Variants in KRT72 observed in about 807,000 individuals in gnomAD.
KRT72 encodes the protein keratin 72, also known as keratin, type II cytoskeletal 72.
A neutral mutation model predicts 44.7 loss-of-function variants in KRT72; 44 were observed. The observed-to-expected ratio is 0.98, with a 90% CI of 0.77 to 1.27. The LOEUF (loss-of-function observed/expected upper bound fraction) is 1.27. Among genes scored for constraint, KRT72 ranks in the 50% most tolerant of loss-of-function variants. The probability of loss-of-function intolerance (pLI) is 0.00; values close to 1 mark genes in which losing one functional copy is unlikely to be tolerated. For synonymous variants in KRT72, 302 were observed against 280.4 expected (o/e 1.08, Z -0.77); for missense variants, 736 against 667.1 (o/e 1.10, Z -1.14).
intron 4 of KRT72, among the ~76,000 whole-genome samples, 173 bp from the exon 5 acceptor site, chr12:52,591,801 C>T (rs1484464638): frequency 2.0e-5 from 3 of 152,154 alleles, no homozygotes; most frequent in African/African-American, 7.2e-5. Context: ...GCTTTCAGCC[C>T]CAAACGCTGA....
upstream of KRT72, chr12:52,601,694 C>G (rs763643244): frequency 5.4e-4 from 285 of 531,512 alleles, 1 homozygote; most frequent in Non-Finnish European, 8.6e-4. Context: ...GTAAAGTGAC[C>G]CAGAACCCAG....
intron 2 of KRT72, among the ~76,000 whole-genome samples, chr12:52,595,334 A>G (rs1050116265): frequency 5.3e-5 from 8 of 152,164 alleles, no homozygotes; most frequent in Admixed American, 5.2e-4. Flanking sequence ...CTCTTGTTTT[A>G]TAACATAAAT....
At chr12:52,602,386 C>A (rs576125982), upstream of KRT72, among the ~76,000 whole-genome samples, 1 of 152,194 alleles carries the variant, frequency 6.6e-6, no homozygotes, top group Non-Finnish European at 1.5e-5. Flanking sequence ...AGGAAGAGGT[C>A]AAGACTCTTC....
At chr12:52,587,011 C>A (rs1055456018) in intron 7 of KRT72, 31 bp from the exon 8 acceptor site, 1 of 1,609,482 alleles carries the variant, frequency 6.2e-7, no homozygotes, top group African/African-American at 1.3e-5. Flanking sequence ...CAGGTAAATC[C>A]CCCATAAATA....
chr12:52,590,833 C>A lies in KRT72; in HGVS notation c.1089+3G>T. 1 of 1,570,626 alleles carries A rather than the reference C, an allele frequency of 6.4e-7. No homozygotes were observed. ...GTTAGTGGATTAATTTCATAGAACC[C>A]ACCTGCTTCTTCACATTCCCTATCT... On this transcript the variant is annotated splice_donor_region_variant and intron_variant, in intron 6 of 8. Coordinates refer to ENST00000293745, the MANE Select transcript of KRT72 (RefSeq NM_080747.3).
chr12:52,601,798 A>C (rs1940475880), upstream of KRT72, among the ~76,000 whole-genome samples: 1 of 151,980 alleles, frequency 6.6e-6, no homozygotes, highest in Non-Finnish European at 1.5e-5. Context: ...TCCCAAGATC[A>C]CCCCTGGAAA....
Position 52,601,310 on chromosome 12 carries a change from C to T in KRT72, c.143G>A (p.Ser48Asn), listed in dbSNP as rs867853815. The T allele has an allele frequency of 3.2e-6, 5 of 1,547,694 alleles. No individual in the cohort carries two copies. The African/African-American group carries it at 5.5e-5, about 17-fold the overall frequency. The change falls in exon 1 of 9, where the codon AGC becomes AAC. Residue 48 changes from serine (S) to asparagine (N), a missense_variant. By Grantham distance (46) the Ser-to-Asn change is conservative. Transcript: ENST00000293745. ...VKGSASFGSK[S>N]LSCLGGSRSL... ...TCGGCTGCCCCCAAGGCAGGAGAGG[C>T]TCTTGCTGCCAAAGGAGGCCGAGCC...
intron 1 of KRT72, among the ~76,000 whole-genome samples, chr12:52,599,608 C>G (rs1401934834): frequency 1.3e-5 from 2 of 152,208 alleles, no homozygotes; most frequent in Non-Finnish European, 2.9e-5. Flanking sequence ...TTTTTAGACT[C>G]AATAACTCCA....
chr12:52,600,019 G>T (rs149523364), intron 1 of KRT72, among the ~76,000 whole-genome samples: 1 of 152,142 alleles, frequency 6.6e-6, no homozygotes. Flanking sequence ...CATCCAGGTG[G>T]AGACAAGAGA....
chr12:52,592,061 G>T (rs935509171), intron 4 of KRT72, among the ~76,000 whole-genome samples: 1 of 152,166 alleles, frequency 6.6e-6, no homozygotes, highest in African/African-American at 2.4e-5. Context: ...AGCACCCACT[G>T]AAATCGTCCT....
chr12:52,598,184 C>T lies in KRT72; in HGVS notation c.641+714G>A, dbSNP rs149910836. On this transcript the variant is annotated intron_variant, in intron 2 of 8. Coordinates refer to ENST00000293745, the MANE Select transcript of KRT72 (RefSeq NM_080747.3). ...ACCGTGTCTCCTCCTTCCTTAGGTT[C>T]TCCATGCAGGGCTTGGGCCAGGGTT... Among the ~76,000 whole-genome samples the T allele has an allele frequency of 5.3e-5, 8 of 152,378 alleles. No individual in the cohort carries two copies. The East Asian group carries it at 1.5e-3, about 29-fold the overall frequency.
chr12:52,601,584 T>G, upstream of KRT72: 2 of 876,494 alleles, frequency 2.3e-6, no homozygotes, highest in East Asian at 2.7e-5. Flanking sequence ...CGACAACACC[T>G]TTTAGATCCC....
chr12:52,591,342 T>A, intron 5 of KRT72, 122 bp downstream of exon 5: 1 of 1,053,252 alleles, frequency 9.5e-7, no homozygotes, highest in Non-Finnish European at 1.4e-6. Context: ...ACAAAGGAGG[T>A]CTTGACTGAG....
Position 52,586,084 on chromosome 12 carries a change from T to A in KRT72, c.1434A>T (p.Ala478=), listed in dbSNP as rs1188497257. The A allele has an allele frequency of 5.6e-6, 9 of 1,614,116 alleles. No homozygotes were observed. Among genetic ancestry groups the A allele is most frequent in the Non-Finnish European group, 7.6e-6 (9 of 1,180,050 alleles). Residue 478 remains alanine, a synonymous_variant, in exon 9 of 9, where the codon GCA becomes GCT. Transcript: ENST00000293745. The part of the protein sequence containing the change: ...GASSSYSYKT[A]AADVKTKGSC... ...TGCCTTTGGTCTTGACGTCTGCAGC[T>A]GCAGTTTTGTAGCTATAACTGCTTG...
chr12:52,601,233 A>AGCCGCCCAGGCGGCC lies in KRT72; in HGVS notation c.205_219dup (p.Gly69_Gly73dup). The AGCCGCCCAGGCGGCC allele has an allele frequency of 6.3e-7, 1 of 1,594,152 alleles. No individual in the cohort carries two copies. Among genetic ancestry groups the AGCCGCCCAGGCGGCC allele is most frequent in the Non-Finnish European group, 8.5e-7 (1 of 1,170,408 alleles). On this transcript the variant is annotated inframe_insertion, in exon 1 of 9. Coordinates refer to ENST00000293745, the MANE Select transcript of KRT72 (RefSeq NM_080747.3). ...GCGCTGCCGAAGGCGGTGCCCACGAAGCCGCCCAGGCGGCCGCCGCCCCGC... is the reference window on the plus strand; with the variant it reads ...GCGCTGCCGAAGGCGGTGCCCACGAAGCCGCCCAGGCGGCCGCCGCCCAGGCGGCCGCCGCCCCGC...
In KRT72 at chr12:52,591,481, T is replaced by A; in HGVS notation, c.946A>T (p.Thr316Ser). The part of the protein sequence containing the change: ...IALKSKAEAE[T>S]LYQTKIQELQ... ...CAGCTCACCTTGGTCTGGTACAGGG[T>A]CTCAGCCTCGGCCTTGCTCTTTAGG... Residue 316 changes from threonine (T) to serine (S), a missense_variant, in exon 5 of 9, where the codon ACC becomes TCC. Transcript: ENST00000293745. The A allele has an allele frequency of 6.2e-7, 1 of 1,613,766 alleles. No homozygotes were observed. Among genetic ancestry groups the A allele is most frequent in the Non-Finnish European group, 8.5e-7 (1 of 1,179,780 alleles).
intron 2 of KRT72, among the ~76,000 whole-genome samples, chr12:52,597,109 A>G (rs943382482): frequency 6.6e-6 from 1 of 152,224 alleles, no homozygotes; most frequent in Non-Finnish European, 1.5e-5. Flanking sequence ...GGCTATTACA[A>G]TTTTAAATGG....
intron 3 of KRT72, 99 bp downstream of exon 3, chr12:52,592,793 A>G (rs2120761700): frequency 2.0e-6 from 2 of 1,004,710 alleles, no homozygotes; most frequent in African/African-American, 1.6e-5. Flanking sequence ...TGCCCAAGGG[A>G]CTGAGTGACC....
chr12:52,596,633 C>T (rs1214744304), intron 2 of KRT72, among the ~76,000 whole-genome samples: 1 of 151,766 alleles, frequency 6.6e-6, no homozygotes, highest in Non-Finnish European at 1.5e-5. Flanking sequence ...CTCACTGCAA[C>T]CTCTGCCTCC....
Sources: gnomAD v4.1 joint callset for allele counts (sites outside exome capture counted in the v4.1 genomes callset) on GRCh38, gnomAD v4.1.1 for gene constraint, MANE v1.5 for transcripts, NCBI Gene and HGNC (gene_info 2026-07-23, HGNC 2026-07-21) for gene names.